The following PCCB variants were observed in gnomAD, a reference collection of about 807,000 sequenced individuals.
PCCB encodes propionyl-CoA carboxylase subunit beta.
Under a neutral mutation model 60.7 loss-of-function variants are expected in PCCB, and 43 were observed. The ratio of observed to expected loss-of-function variants is 0.71; its 90% CI spans 0.55 to 0.91. The LOEUF (loss-of-function observed/expected upper bound fraction) is 0.91. Among genes scored for constraint, PCCB ranks in the 40% least tolerant of loss-of-function variants. The pLI is 0.00. For missense variants in PCCB, 766 were observed against 702.8 expected, an observed-to-expected ratio of 1.09 and a Z score of -1.02; for synonymous variants, 276 against 255.9, an observed-to-expected ratio of 1.08 and a Z score of -0.75.
At chr3:136,273,876 C>T (rs1340195879) in intron 5 of PCCB, among the ~76,000 whole-genome samples, 6 of 128,696 alleles carry the variant, frequency 4.7e-5, no homozygotes, top group African/African-American at 1.8e-4. Context: ...TGCACCACTG[C>T]ACTCCAGTCT....
intron 3 of PCCB, among the ~76,000 whole-genome samples, chr3:136,258,477 A>AGG (rs1941734610): frequency 6.6e-6 from 1 of 152,200 alleles, no homozygotes; most frequent in South Asian, 2.1e-4. Flanking sequence ...TACTGAGGGT[A>AGG]GGGAGTGATG....
intron 6 of PCCB, among the ~76,000 whole-genome samples, chr3:136,292,206 G>A (rs1348685643): frequency 6.6e-6 from 1 of 150,978 alleles, no homozygotes. Context: ...CTTATGTGCT[G>A]GACTAGAAAC....
intron 4 of PCCB, among the ~76,000 whole-genome samples, chr3:136,261,084 ACTCC>A (rs1253063628): frequency 8.6e-5 from 13 of 151,932 alleles, no homozygotes; most frequent in Non-Finnish European, 1.9e-4. Flanking sequence ...AAGTTCATGG[ACTCC>A]CGTTCACAGA....
chr3:136,309,185 C>T (rs1361905471), intron 9 of PCCB, among the ~76,000 whole-genome samples: 1 of 150,918 alleles, frequency 6.6e-6, no homozygotes, highest in East Asian at 1.9e-4. Flanking sequence ...ATCGCTTGAA[C>T]CTGGGAGGCA....
At chr3:136,290,958 C>G (rs558633142) in intron 6 of PCCB, among the ~76,000 whole-genome samples, 93 of 151,936 alleles carry the variant, frequency 6.1e-4, no homozygotes, top group African/African-American at 2.1e-3. Context: ...TCCTCAAGCT[C>G]AGAGATTCTT....
chr3:136,314,520 T>C (rs954941511), intron 9 of PCCB, among the ~76,000 whole-genome samples: 2 of 152,156 alleles, frequency 1.3e-5, no homozygotes, highest in African/African-American at 2.4e-5. Flanking sequence ...CCAGGTATGG[T>C]GGCATGAACC....
intron 7 of PCCB, among the ~76,000 whole-genome samples, chr3:136,295,884 T>C (rs1321565726): frequency 6.6e-6 from 1 of 151,776 alleles, no homozygotes; most frequent in Non-Finnish European, 1.5e-5. Context: ...TGTCTGCCCA[T>C]GACATTAAAG....
In PCCB at chr3:136,330,169, C is replaced by G. The variant is rs1360062080; in HGVS notation, c.*143C>G. 5.9e-5 allele frequency: 88 copies of G among 1,480,778 alleles called. No homozygotes were observed. The highest frequency in any genetic ancestry group is 7.5e-5 in the Non-Finnish European group (82 of 1,097,288). The allele number at this position is 1,480,778 out of a possible 1,614,324, so 91.7% of individuals were successfully genotyped here. ...TAAGTTTATTAAATTCTAGAAAGAT[C>G]TCTTTTGTGCCTTACTGTAAAATTA... On this transcript the variant is annotated 3_prime_UTR_variant, in exon 15 of 15. Transcript: ENST00000251654.
chr3:136,320,275 A>T lies in PCCB; in HGVS notation c.1090+3211A>T, dbSNP rs374784570. ...GATAGGGATGGTGTTGAATCAGTAGATTACTCTGAGTAGTATTGACACCTT... is the reference window on the plus strand; with the variant it reads ...GATAGGGATGGTGTTGAATCAGTAGTTTACTCTGAGTAGTATTGACACCTT... On this transcript the variant is annotated intron_variant, in intron 10 of 14. Transcript: ENST00000251654. Among the ~76,000 whole-genome samples the T allele has an allele frequency of 1.2e-3, 177 of 152,308 alleles. No homozygotes were observed. The South Asian group carries it at 0.02, about 17-fold the overall frequency.
chr3:136,312,016 G>GT (rs1357001629), intron 9 of PCCB, among the ~76,000 whole-genome samples: 1 of 152,210 alleles, frequency 6.6e-6, no homozygotes, highest in Non-Finnish European at 1.5e-5. Context: ...AAGAAAAGCT[G>GT]TAAGTGGGGA....
intron 6 of PCCB, among the ~76,000 whole-genome samples, chr3:136,292,474 G>A (rs1576333824): frequency 6.6e-6 from 1 of 152,142 alleles, no homozygotes; most frequent in Admixed American, 6.5e-5. Flanking sequence ...AGTTCAGAGA[G>A]CACTGTAGTA....
In PCCB at chr3:136,250,513, G is replaced by C. The variant is rs145075817; in HGVS notation, c.138G>C (p.Ala46=). 345 of 1,612,952 alleles carry C rather than the reference G, an allele frequency of 2.1e-4. 2 individuals carry two copies. The African/African-American group carries it at 4.0e-3, about 19-fold the overall frequency. The change falls in exon 1 of 15, where the codon GCG becomes GCC. Residue 46 remains alanine, a synonymous_variant. Transcript: ENST00000251654. Reference sequence around the variant, plus strand: ...GCATCGAAAACAAGCGCCGGACCGCGCTGCTGGGAGGGGGCCAACGCCGTA... The same window carrying C: ...GCATCGAAAACAAGCGCCGGACCGCCCTGCTGGGAGGGGGCCAACGCCGTA... ...NERIENKRRT[A]LLGGGQRRID...
intron 9 of PCCB, among the ~76,000 whole-genome samples, chr3:136,310,315 A>G (rs1381219174): frequency 2.0e-5 from 3 of 151,630 alleles, no homozygotes; most frequent in Non-Finnish European, 2.9e-5. Context: ...ATGAGCCAAG[A>G]TCGTGCCATT....
chr3:136,310,362 T>TA lies in PCCB; in HGVS notation c.967-6565dup, dbSNP rs749793184. ...TGGGCAACAAGAGCGAAACTCCATCTAAAAAAAAAAAAAAGCCAGGCATGG... is the reference window on the plus strand; with the variant it reads ...TGGGCAACAAGAGCGAAACTCCATCTAAAAAAAAAAAAAAAGCCAGGCATGG... On this transcript the variant is annotated intron_variant, in intron 9 of 14. Coordinates refer to ENST00000251654, the MANE Select transcript of PCCB (RefSeq NM_000532.5). Among the ~76,000 whole-genome samples the TA allele has an allele frequency of 4.1e-3, 523 of 126,516 alleles. 2 individuals are homozygous for TA. The highest frequency in any genetic ancestry group is 0.01 in the African/African-American group (346 of 33,640). 83.0% of individuals were successfully genotyped at this position (126,516 alleles called of 152,430 possible).
intron 4 of PCCB, 47 bp downstream of exon 4, chr3:136,260,582 A>G (rs186127626): frequency 5.1e-5 from 74 of 1,447,160 alleles, no homozygotes; most frequent in Non-Finnish European, 6.8e-5. Flanking sequence ...CCTCAGTTAC[A>G]TAGTGCTTAT....
intron 9 of PCCB, among the ~76,000 whole-genome samples, chr3:136,306,756 C>A (rs1934462935): frequency 8.2e-6 from 1 of 121,556 alleles, no homozygotes; most frequent in Non-Finnish European, 1.8e-5. Flanking sequence ...CAATGAAAGG[C>A]AAAGAAGAAT....
chr3:136,289,490 C>A (rs1445660760), intron 6 of PCCB, among the ~76,000 whole-genome samples: 1 of 152,118 alleles, frequency 6.6e-6, no homozygotes, highest in Non-Finnish European at 1.5e-5. Flanking sequence ...TAATTAATAT[C>A]TTTCTGCATT....
chr3:136,300,902 A>G lies in PCCB; in HGVS notation c.885-128A>G, dbSNP rs563657921. 4 of 729,702 alleles carry G rather than the reference A, an allele frequency of 5.5e-6. No individual in the cohort carries two copies. The South Asian group carries it at 5.9e-5, about 11-fold the overall frequency. The allele number at this position is 729,702 out of a possible 1,614,324, so 45.2% of individuals were successfully genotyped here. On this transcript the variant is annotated intron_variant, in intron 8 of 14. Transcript: ENST00000251654. ...AATGACTCTTTGGTGACTGCTTTGTAAGCCCAGCAGGGACAGAACTGGCCC... is the reference window on the plus strand; with the variant it reads ...AATGACTCTTTGGTGACTGCTTTGTGAGCCCAGCAGGGACAGAACTGGCCC...
intron 6 of PCCB, among the ~76,000 whole-genome samples, chr3:136,287,047 A>AG (rs1279571181): frequency 6.6e-6 from 1 of 151,526 alleles, no homozygotes; most frequent in African/African-American, 2.4e-5. Context: ...AAAAAAAAAA[A>AG]TAATAAAAAT....
Sources: gnomAD v4.1 joint callset for allele counts (sites outside exome capture counted in the v4.1 genomes callset) on GRCh38, gnomAD v4.1.1 for gene constraint, MANE v1.5 for transcripts, NCBI Gene and HGNC (gene_info 2026-07-23, HGNC 2026-07-21) for gene names.